The following HRNR variants were observed in gnomAD, a reference collection of about 807,000 sequenced individuals.
HRNR encodes hornerin, also known as filaggrin family member 3.
A neutral mutation model predicts 4.8 loss-of-function variants in HRNR; 7 were observed. The ratio of observed to expected loss-of-function variants is 1.47; its 90% CI spans 0.83 to 2.75. HRNR has a LOEUF of 2.75. Among genes scored for constraint, HRNR ranks in the 30% most tolerant of loss-of-function variants. HRNR has a pLI of 0.00. For missense variants in HRNR, 2,879 were observed against 3,010.4 expected (o/e 0.96, Z 1.02); for synonymous variants, 1,023 against 1,242.7 (o/e 0.82, Z 3.72).
In HRNR at chr1:152,219,862, AGACTCTTGGT is replaced by A; in HGVS notation, c.1757_1766del (p.His586LeufsTer462). On this transcript the variant is annotated frameshift_variant, in exon 3 of 3. Transcript: ENST00000368801. LOFTEE classifies it low-confidence loss of function (END_TRUNC). ...CGTAGCCAGAGGACTGTCCTGAGCG[AGACTCTTGGT>A]GACCTAAGCCAGAAGAGTGACCGGA... 6.2e-7 allele frequency: 1 copy of A among 1,613,904 alleles called. No individual in the cohort carries two copies. The highest frequency in any genetic ancestry group is 8.5e-7 in the Non-Finnish European group (1 of 1,179,984).
rs202015055 is a variant in HRNR at position 152,220,697 on chromosome 1, C to T, written c.932G>A (p.Arg311Gln). 109 of 1,612,302 alleles carry T rather than the reference C, an allele frequency of 6.8e-5. No homozygotes were observed. The highest frequency in any genetic ancestry group is 2.3e-4 in the South Asian group (21 of 90,912). ...SGSRQSPSHV[R>Q]HGSGSGHSSS... The stretch of plus-strand genomic sequence containing the variant: ...GGAGTGCCCCGAACCGGACCCATGT[C>T]GGACGTGGCTAGGAGACTGGCGAGA... Residue 311 changes from arginine to glutamine, a missense_variant, in exon 3 of 3, where the codon CGA (arginine) becomes CAA (glutamine). This residue lies in a region of HRNR where 2,646 missense variants were observed against 1,377.7 expected (regional missense o/e 1.92). Transcript: ENST00000368801.
chr1:152,219,008 G>C lies in HRNR; in HGVS notation c.2621C>G (p.Ser874Cys). The C allele has an allele frequency of 1.2e-6, 2 of 1,614,064 alleles. No individual in the cohort carries two copies. The highest frequency in any genetic ancestry group is 1.7e-6 in the Non-Finnish European group (2 of 1,180,012). Reference sequence around the variant, plus strand: ...TCGGCCGCGGCCCGAAGCGTGATGGGAGGCAGACTCATGCTGACCATAGCT... The same window carrying C: ...TCGGCCGCGGCCCGAAGCGTGATGGCAGGCAGACTCATGCTGACCATAGCT... ...SSSYGQHESA[S>C]HHASGRGRHG... The change falls in exon 3 of 3, where the codon TCC becomes TGC. Residue 874 changes from serine (S) to cysteine (C), a missense_variant. Around this residue, in one of 8 missense-constraint regions of HRNR, gnomAD observed 2,646 missense variants for 1,377.7 expected, o/e 1.92. Coordinates refer to ENST00000368801, the MANE Select transcript of HRNR (RefSeq NM_001009931.3).
Position 152,220,076 on chromosome 1 carries a change from C to A in HRNR, c.1553G>T (p.Gly518Val), listed in dbSNP as rs781052697. The A allele has an allele frequency of 1.2e-5, 19 of 1,613,638 alleles. No homozygotes were observed. Among genetic ancestry groups the A allele is most frequent in the African/African-American group, 1.3e-5 (1 of 74,870 alleles). The change falls in exon 3 of 3, where the codon GGT (glycine) becomes GTT (valine). Residue 518 changes from glycine (G) to valine (V), a missense_variant. Gly to Val is a moderately radical substitution (Grantham distance 109). Coordinates refer to ENST00000368801, the MANE Select transcript of HRNR (RefSeq NM_001009931.3). ...GSSAGSSSSY[G>V]QHGSGSRQSL... Reference sequence around the variant, plus strand: ...TTGACGGGAGCCAGACCCATGCTGACCATAGCTGGAAGATGAACCTGCACT... The same window carrying A: ...TTGACGGGAGCCAGACCCATGCTGAACATAGCTGGAAGATGAACCTGCACT...
Position 152,220,297 on chromosome 1 carries a change from A to G in HRNR, c.1332T>C (p.Thr444=), listed in dbSNP as rs1437467548. The change falls in exon 3 of 3, where the codon ACT becomes ACC. Residue 444 remains threonine (T), a synonymous_variant. Transcript: ENST00000368801. ...CACTGCTGGAAGATCGACCAAAGCC[A>G]GTCCCATGTTGGCCGGAGCTGGGAG... ...GQSPSSGQHG[T]GFGRSSSSGP... is the part of the protein sequence containing the mutation. 1.9e-6 allele frequency: 3 copies of G among 1,613,978 alleles called. No individual in the cohort carries two copies. Among genetic ancestry groups the G allele is most frequent in the Admixed American group, 1.7e-5 (1 of 60,006 alleles).
Position 152,219,747 on chromosome 1 carries a change from C to G in HRNR, c.1882G>C (p.Ala628Pro). 6.2e-7 allele frequency: 1 copy of G among 1,613,028 alleles called. No individual in the cohort carries two copies. The highest frequency in any genetic ancestry group is 8.5e-7 in the Non-Finnish European group (1 of 1,179,534). Residue 628 changes from alanine to proline, a missense_variant, in exon 3 of 3, where the codon GCT (alanine) becomes CCT (proline). Around this residue, in one of 8 missense-constraint regions of HRNR, gnomAD observed 2,646 missense variants for 1,377.7 expected, o/e 1.92. Coordinates refer to ENST00000368801, the MANE Select transcript of HRNR (RefSeq NM_001009931.3). ...GQSSSCGQHG[A>P]TSGQSSSHGQ... ...TGGCTGGAAGACTGACCTGAGGTAG[C>G]TCCATGTTGGCCACAGCTCGATGAC...
chr1:152,219,679 G>A lies in HRNR; in HGVS notation c.1950C>T (p.Gly650=), dbSNP rs1459176466. ...ACTGGCCAGATCCAGAGCCCTGTTG[G>A]CCATAGCGAGAAGACTGACTTGAGC... ...GSGSSQSSRY[G]QQGSGSGQSP... is the part of the protein sequence containing the mutation. The change falls in exon 3 of 3, where the codon GGC becomes GGT. Residue 650 remains glycine (G), a synonymous_variant. Coordinates refer to ENST00000368801, the MANE Select transcript of HRNR (RefSeq NM_001009931.3). 4 of 1,613,382 alleles carry A rather than the reference G, an allele frequency of 2.5e-6. No individual in the cohort carries two copies. Among genetic ancestry groups the A allele is most frequent in the Non-Finnish European group, 3.4e-6 (4 of 1,179,532 alleles).
chr1:152,219,337 G>C lies in HRNR; in HGVS notation c.2292C>G (p.Gly764=). 1.9e-6 allele frequency: 3 copies of C among 1,613,744 alleles called. No individual in the cohort carries two copies. Among genetic ancestry groups the C allele is most frequent in the Non-Finnish European group, 2.5e-6 (3 of 1,179,990 alleles). ...QHGSGSHQSS[G]HGRQGSGSGH... ...CAGATCCAGACCCTTGTCGGCCGTGGCCCGAAGATTGATGGGAGCCCGACC... is the reference window on the plus strand; with the variant it reads ...CAGATCCAGACCCTTGTCGGCCGTGCCCCGAAGATTGATGGGAGCCCGACC... The change falls in exon 3 of 3, where the codon GGC becomes GGG. Residue 764 remains glycine (G), a synonymous_variant. Coordinates refer to ENST00000368801, the MANE Select transcript of HRNR (RefSeq NM_001009931.3).
In HRNR at chr1:152,213,167, C is replaced by T. The variant is rs781127949; in HGVS notation, c.8462G>A (p.Gly2821Glu). ...GAGAAAATATGAGCCAGAACTTCCC[C>T]CATCATGGTTACTTCCTCCTTTGCA... is the stretch of plus-strand genomic sequence containing the variant. ...SYCKGGSNHD[G>E]GSSGSYFLSF... The change falls in exon 3 of 3, where the codon GGG becomes GAG. Residue 2821 changes from glycine (G) to glutamate (E), a missense_variant. Gly to Glu is a moderately conservative substitution (Grantham distance 98). Coordinates refer to ENST00000368801, the MANE Select transcript of HRNR (RefSeq NM_001009931.3). The T allele has an allele frequency of 6.2e-7, 1 of 1,613,914 alleles. No homozygotes were observed. Among genetic ancestry groups the T allele is most frequent in the African/African-American group, 1.3e-5 (1 of 74,932 alleles).
rs1284962881 is a variant in HRNR, at chr1:152,221,513, G to A, written c.139-23C>T. 8 of 1,542,776 alleles carry A rather than the reference G, an allele frequency of 5.2e-6. No homozygotes were observed. In the Admixed American group the frequency reaches 1.3e-4, roughly 26 times the overall value. On this transcript the variant is annotated intron_variant, in intron 2 of 2. Coordinates refer to ENST00000368801, the MANE Select transcript of HRNR (RefSeq NM_001009931.3). The stretch of plus-strand genomic sequence containing the variant: ...ATTCTGTATAAGAGAAAGGTACAAA[G>A]AGTAGCTCTGTTAGTATGGACAATA...
chr1:152,222,991 C>CA, intron 2 of HRNR, 125 bp downstream of exon 2: 1 of 984,234 alleles, frequency 1.0e-6, no homozygotes, highest in Non-Finnish European at 1.5e-6. Context: ...AAACTTTTAC[C>CA]AAACCCTGTT....
rs201810187 is a variant in HRNR, at chr1:152,213,207, C to A, written c.8422G>T (p.Asp2808Tyr). The change falls in exon 3 of 3, where the codon GAT becomes TAT. Residue 2808 changes from aspartate to tyrosine, a missense_variant. By Grantham distance (160) the Asp-to-Tyr change is radical (BLOSUM62 -3). Coordinates refer to ENST00000368801, the MANE Select transcript of HRNR (RefSeq NM_001009931.3). The stretch of plus-strand genomic sequence containing the variant: ...CCTCCTTTGCAATAAGAATACCCAT[C>A]TTGCCCTGAGCCACTTCCATGCTGA... ...YSQHGSGSGQDGYSYCKGGSN... is the reference protein window; with the variant it reads ...YSQHGSGSGQYGYSYCKGGSN... The A allele has an allele frequency of 5.6e-6, 9 of 1,614,178 alleles. No homozygotes were observed. The highest frequency in any genetic ancestry group is 1.7e-5 in the Admixed American group (1 of 60,030).
chr1:152,218,469 C>G lies in HRNR; in HGVS notation c.3160G>C (p.Glu1054Gln), dbSNP rs77376932. The G allele has an allele frequency of 4.2e-5, 68 of 1,612,860 alleles. No individual in the cohort carries two copies. Among genetic ancestry groups the G allele is most frequent in the Non-Finnish European group, 5.3e-5 (62 of 1,179,810 alleles). Residue 1054 changes from glutamate (E) to glutamine (Q), a missense_variant, in exon 3 of 3, where the codon GAG becomes CAG. By Grantham distance (29) the Glu-to-Gln change is conservative (BLOSUM62 2). Transcript: ENST00000368801. ...SGHSSGLGHR[E>Q]SRSGQSSGYG... ...CCAGAGGACTGTCCTGAGCGAGACT[C>G]TCGGTGACCTAAGCCAGAAGAGTGA...
In HRNR at chr1:152,218,668, C is replaced by T; in HGVS notation, c.2961G>A (p.Gly987=). The stretch of plus-strand genomic sequence containing the variant: ...GGCCCAAAGACTGACGGGAGCCAGA[C>T]CCATGCTGACCATAGCTGGAAGACG... ...SGSSSSYGQH[G]SGSRQSLGHG... The change falls in exon 3 of 3, where the codon GGG becomes GGA. Residue 987 remains glycine (G), a synonymous_variant. Coordinates refer to ENST00000368801, the MANE Select transcript of HRNR (RefSeq NM_001009931.3). The T allele has an allele frequency of 6.2e-7, 1 of 1,612,648 alleles. No homozygotes were observed. Among genetic ancestry groups the T allele is most frequent in the Non-Finnish European group, 8.5e-7 (1 of 1,179,742 alleles).
In HRNR at chr1:152,220,718, C is replaced by A. The variant is rs764039667; in HGVS notation, c.911G>T (p.Arg304Leu). 1.2e-6 allele frequency: 2 copies of A among 1,613,170 alleles called. No individual in the cohort carries two copies. The highest frequency in any genetic ancestry group is 1.7e-5 in the Admixed American group (1 of 59,982). ...ATGTCGGACGTGGCTAGGAGACTGG[C>A]GAGATCCAGACCCTTGTCGGCCGTG... ...LGHGRQGSGS[R>L]QSPSHVRHGS... The change falls in exon 3 of 3, where the codon CGC (arginine) becomes CTC (leucine). Residue 304 changes from arginine (R) to leucine (L), a missense_variant. Coordinates refer to ENST00000368801, the MANE Select transcript of HRNR (RefSeq NM_001009931.3).
rs545742826 is a variant in HRNR at position 152,218,345 on chromosome 1, C to T, written c.3284G>A (p.Ser1095Asn). The change falls in exon 3 of 3, where the codon AGC becomes AAC. Residue 1095 changes from serine (S) to asparagine (N), a missense_variant. Physicochemically the swap from Ser to Asn is conservative, Grantham distance 46. Coordinates refer to ENST00000368801, the MANE Select transcript of HRNR (RefSeq NM_001009931.3). ...ACCGTGGCTGGAAGACTGACCTGAG[C>T]TAGCTCCATGTTGGCCACAGCTCGA... ...QSSSCGQHGASSGQSSSHGQH... is the reference protein window; with the variant it reads ...QSSSCGQHGANSGQSSSHGQH... 1.2e-6 allele frequency: 2 copies of T among 1,611,172 alleles called. No homozygotes were observed. Among genetic ancestry groups the T allele is most frequent in the East Asian group, 4.5e-5 (2 of 44,652 alleles).
chr1:152,218,774 C>G lies in HRNR; in HGVS notation c.2855G>C (p.Gly952Ala), dbSNP rs1239523122. 2.1e-5 allele frequency: 34 copies of G among 1,613,848 alleles called. No individual in the cohort carries two copies. The highest frequency in any genetic ancestry group is 2.8e-5 in the Non-Finnish European group (33 of 1,180,000). Residue 952 changes from glycine (G) to alanine (A), a missense_variant, in exon 3 of 3, where the codon GGT (glycine) becomes GCT (alanine). By Grantham distance (60) the Gly-to-Ala change is moderately conservative. Around this residue, in one of 8 missense-constraint regions of HRNR, gnomAD observed 2,646 missense variants for 1,377.7 expected, o/e 1.92. Transcript: ENST00000368801. Reference sequence around the variant, plus strand: ...GTGTTGTTCGTAGCTGGAGGAGTGACCTGAGCCAGATCCATGCTGAGTGTA... The same window carrying G: ...GTGTTGTTCGTAGCTGGAGGAGTGAGCTGAGCCAGATCCATGCTGAGTGTA... ...SGYTQHGSGS[G>A]HSSSYEQHGS...
chr1:152,218,538 A>C lies in HRNR; in HGVS notation c.3091T>G (p.Ser1031Ala), dbSNP rs1440135991. Residue 1031 changes from serine to alanine, a missense_variant, in exon 3 of 3, where the codon TCA becomes GCA. By Grantham distance (99) the Ser-to-Ala change is moderately conservative (BLOSUM62 1). This residue lies in a region of HRNR where 2,646 missense variants were observed against 1,377.7 expected (regional missense o/e 1.92). Coordinates refer to ENST00000368801, the MANE Select transcript of HRNR (RefSeq NM_001009931.3). ...GGGCCACGGCTTGAAGACCACCCTG[A>C]GCCAGACCTATATGGGCCATAGCTG... ...SSSYGPYRSGSGWSSSRGPYE... is the reference protein window; with the variant it reads ...SSSYGPYRSGAGWSSSRGPYE... 14 of 1,613,792 alleles carry C rather than the reference A, an allele frequency of 8.7e-6. No homozygotes were observed. Among genetic ancestry groups the C allele is most frequent in the Middle Eastern group, 3.3e-4 (2 of 6,062 alleles).
rs749036272 is a variant in HRNR at position 152,220,168 on chromosome 1, G to C, written c.1461C>G (p.His487Gln). 2 of 1,613,146 alleles carry C rather than the reference G, an allele frequency of 1.2e-6. No homozygotes were observed. Among genetic ancestry groups the C allele is most frequent in the Non-Finnish European group, 8.5e-7 (1 of 1,179,462 alleles). ...AGCCGTGTTGTCCGTGGCCGGAGGA[G>C]TGACCTGAGCCAGATCCATGCTGAG... ...GYTQHGSGSGHSSGHGQHGSR... is the reference protein window; with the variant it reads ...GYTQHGSGSGQSSGHGQHGSR... The change falls in exon 3 of 3, where the codon CAC (histidine) becomes CAG (glutamine). Residue 487 changes from histidine to glutamine, a missense_variant. His to Gln is a conservative substitution (Grantham distance 24). Transcript: ENST00000368801.
rs151029388 is a variant in HRNR, at chr1:152,220,729, C to A, written c.900G>T (p.Gly300=). The A allele has an allele frequency of 5.0e-5, 80 of 1,613,478 alleles. No homozygotes were observed. The Middle Eastern group carries it at 1.3e-3, about 27-fold the overall frequency. Residue 300 remains glycine (G), a synonymous_variant, in exon 3 of 3, where the codon GGG becomes GGT. Transcript: ENST00000368801. ...SRQSLGHGRQ[G]SGSRQSPSHV... ...GGCTAGGAGACTGGCGAGATCCAGA[C>A]CCTTGTCGGCCGTGGCCCAAAGACT...
Sources: gnomAD v4.1 joint callset for allele counts on GRCh38, gnomAD v4.1.1 for gene constraint, gnomAD v4.1.1 regional missense constraint, MANE v1.5 for transcripts, NCBI Gene and HGNC (gene_info 2026-07-23, HGNC 2026-07-21) for gene names.